The following CSMD1 variants were observed in gnomAD, a reference collection of about 807,000 sequenced individuals.
CSMD1 encodes the protein CUB and sushi domain-containing protein 1.
Under a neutral mutation model 417.5 loss-of-function variants are expected in CSMD1, and 213 were observed. That is an observed-to-expected ratio of 0.51 (90% CI 0.46 to 0.57). The LOEUF (loss-of-function observed/expected upper bound fraction) is 0.57. CSMD1 is among the 20% of genes least tolerant of loss of function. CSMD1 has a pLI of 0.00. For missense variants in CSMD1, 6,923 were observed against 4,529.7 expected (o/e 1.53, Z -15.17); for synonymous variants, 2,862 against 1,736.8 (o/e 1.65, Z -16.11).
At chr8:4,292,453 C>G (rs1797424871) in intron 3 of CSMD1, among the ~76,000 whole-genome samples, 1 of 152,022 alleles carries the variant, frequency 6.6e-6, no homozygotes, top group Admixed American at 6.6e-5. Flanking sequence ...GGAATTTCAC[C>G]GTGTTAGTCA....
chr8:3,473,003 C>G (rs1354426110), intron 11 of CSMD1, among the ~76,000 whole-genome samples: 2 of 152,080 alleles, frequency 1.3e-5, no homozygotes, highest in Non-Finnish European at 2.9e-5. Flanking sequence ...AAAGTAGGCT[C>G]CTAACTCTGT....
At position 3,308,447 on chromosome 8, in the gene CSMD1, G is replaced by A. The variant is rs1410174773; in HGVS notation, c.3688C>T (p.Arg1230Cys). 4 of 1,613,562 alleles carry A rather than the reference G, an allele frequency of 2.5e-6. No homozygotes were observed. The highest frequency in any genetic ancestry group is 1.7e-5 in the Admixed American group (1 of 59,980). ...GTGTCGGTAAAGTGGCCTTCATCAC[G>A]GATCCTATAGCCGTAGTTAGGGATG... The part of the protein sequence containing the change: ...PGIPNYGYRI[R>C]DEGHFTDTVV... The change falls in exon 24 of 70, where the codon CGT (arginine) becomes TGT (cysteine). Residue 1230 changes from arginine to cysteine, a missense_variant. By Grantham distance (180) the Arg-to-Cys change is radical. Coordinates refer to ENST00000635120, the MANE Select transcript of CSMD1 (RefSeq NM_033225.6).
Position 4,026,804 on chromosome 8 carries a change from G to T in CSMD1, c.610+5101C>A, listed in dbSNP as rs992394827. Among the ~76,000 whole-genome samples the T allele has an allele frequency of 3.9e-5, 6 of 152,198 alleles. 1 individual carries two copies. Among genetic ancestry groups the T allele is most frequent in the Admixed American group, 3.9e-4 (6 of 15,274 alleles). ...AAGTTTGAAGTTGACAAATGATTAA[G>T]ATTTATGGCTGTAGGGAGATGACAG... On this transcript the variant is annotated intron_variant, in intron 4 of 69. Transcript: ENST00000635120.
chr8:3,255,028 G>T (rs913303048), intron 26 of CSMD1, among the ~76,000 whole-genome samples: 134 of 152,192 alleles, frequency 8.8e-4, no homozygotes, highest in African/African-American at 3.2e-3. Context: ...TTTGATGATG[G>T]TGATGTACAG....
intron 52 of CSMD1, among the ~76,000 whole-genome samples, chr8:3,017,794 C>T (rs1585158263): frequency 9.2e-6 from 1 of 108,352 alleles, no homozygotes. Flanking sequence ...GTTTCTATGG[C>T]TTTGAGTGAT....
intron 35 of CSMD1, 102 bp from the exon 36 acceptor site, chr8:3,188,067 T>C: frequency 4.1e-6 from 2 of 490,484 alleles, no homozygotes; most frequent in Non-Finnish European, 3.6e-6. Context: ...TGTATATGTA[T>C]ATATATATAC....
chr8:3,429,820 C>T lies in CSMD1; in HGVS notation c.1562-20215G>A, dbSNP rs142749131. On this transcript the variant is annotated intron_variant, in intron 12 of 69. Coordinates refer to ENST00000635120, the MANE Select transcript of CSMD1 (RefSeq NM_033225.6). ...TTACCTATAATAAATTACAGATAGTCCCACCTCCCCCACAAAAATACATCC... is the reference window on the plus strand; with the variant it reads ...TTACCTATAATAAATTACAGATAGTTCCACCTCCCCCACAAAAATACATCC... Among the ~76,000 whole-genome samples the T allele has an allele frequency of 6.5e-4, 99 of 152,204 alleles. 2 individuals are homozygous for T. In the East Asian group the frequency reaches 0.018, roughly 27 times the overall value.
At chr8:3,693,660 G>A (rs1415413694) in intron 7 of CSMD1, among the ~76,000 whole-genome samples, 2 of 152,098 alleles carry the variant, frequency 1.3e-5, no homozygotes, top group African/African-American at 2.4e-5. Flanking sequence ...GTAGTTATTA[G>A]GTAATAAAAA....
At chr8:4,967,736 T>C (rs912068948) in intron 1 of CSMD1, among the ~76,000 whole-genome samples, 1 of 152,188 alleles carries the variant, frequency 6.6e-6, no homozygotes, top group Non-Finnish European at 1.5e-5. Flanking sequence ...ATAGCATTAG[T>C]TCATCAATAA....
At chr8:3,989,812 G>C (rs1814608994) in intron 5 of CSMD1, among the ~76,000 whole-genome samples, 1 of 152,152 alleles carries the variant, frequency 6.6e-6, no homozygotes. Context: ...CGTGCCAACA[G>C]GAAGTAACCC....
At chr8:4,345,214 T>C (rs529818525) in intron 3 of CSMD1, among the ~76,000 whole-genome samples, 1 of 152,122 alleles carries the variant, frequency 6.6e-6, no homozygotes, top group African/African-American at 2.4e-5. Flanking sequence ...CGCTAACATA[T>C]ATTAGCAGCT....
chr8:4,090,442 T>A (rs1362680865), intron 3 of CSMD1, among the ~76,000 whole-genome samples: 2 of 152,198 alleles, frequency 1.3e-5, no homozygotes, highest in South Asian at 2.1e-4. Flanking sequence ...TTAATTTTTT[T>A]AAGAAAATAC....
At chr8:4,681,819 C>G (rs1806070423) in intron 1 of CSMD1, among the ~76,000 whole-genome samples, 1 of 152,052 alleles carries the variant, frequency 6.6e-6, no homozygotes, top group Admixed American at 6.6e-5. Flanking sequence ...AGTCATAAAA[C>G]CTCTGATAAC....
chr8:4,125,270 G>A (rs534098481), intron 3 of CSMD1, among the ~76,000 whole-genome samples: 10 of 152,300 alleles, frequency 6.6e-5, no homozygotes, highest in African/African-American at 2.4e-4. Context: ...TCACCCCTCT[G>A]CTCACTGAGA....
intron 3 of CSMD1, among the ~76,000 whole-genome samples, chr8:4,155,596 C>A (rs911559530): frequency 2.6e-5 from 4 of 152,084 alleles, no homozygotes; most frequent in Non-Finnish European, 5.9e-5. Flanking sequence ...GTCATTTTTT[C>A]AGATAGAGAC....
At chr8:4,767,859 T>A (rs1278611279) in intron 1 of CSMD1, among the ~76,000 whole-genome samples, 1 of 152,144 alleles carries the variant, frequency 6.6e-6, no homozygotes, top group African/African-American at 2.4e-5. Context: ...CTCTCCTGAG[T>A]GATGCTACTA....
rs547709520 is a variant in CSMD1, at chr8:4,285,831, C to T, written c.415+134122G>A. 2.6e-5 allele frequency among the ~76,000 whole-genome samples: 4 copies of T among 152,286 alleles called. No individual in the cohort carries two copies. In the South Asian group the frequency reaches 8.3e-4, roughly 32 times the overall value. On this transcript the variant is annotated intron_variant, in intron 3 of 69. Transcript: ENST00000635120. Reference sequence around the variant, plus strand: ...CTAATTTCACAGAAGATCATGTGTCCTTGGCTATTTTAATCAGGAACAAAA... The same window carrying T: ...CTAATTTCACAGAAGATCATGTGTCTTTGGCTATTTTAATCAGGAACAAAA...
At chr8:4,267,852 T>C (rs1200784768) in intron 3 of CSMD1, among the ~76,000 whole-genome samples, 1 of 152,140 alleles carries the variant, frequency 6.6e-6, no homozygotes. Context: ...CTTGAATTAT[T>C]GTCATAGCCA....
intron 18 of CSMD1, among the ~76,000 whole-genome samples, chr8:3,378,572 TG>T (rs1316525792): frequency 6.6e-6 from 1 of 152,178 alleles, no homozygotes; most frequent in Admixed American, 6.5e-5. Context: ...GCTTTATCCC[TG>T]GGATGCAAGG....
Sources: gnomAD v4.1 joint callset for allele counts (sites outside exome capture counted in the v4.1 genomes callset) on GRCh38, gnomAD v4.1.1 for gene constraint, MANE v1.5 for transcripts, NCBI Gene and HGNC (gene_info 2026-07-23, HGNC 2026-07-21) for gene names.